The following ARHGEF10 variants were observed in gnomAD, a reference collection of about 807,000 sequenced individuals.
ARHGEF10 encodes the protein Rho guanine nucleotide exchange factor 10, also known as Rho guanine nucleotide exchange factor (GEF) 10.
A neutral mutation model predicts 147.4 loss-of-function variants in ARHGEF10; 140 were observed. The ratio of observed to expected loss-of-function variants is 0.95; its 90% CI spans 0.83 to 1.09. The LOEUF is 1.09. Among genes scored for constraint, ARHGEF10 ranks in the 50% least tolerant of loss-of-function variants. The pLI, the probability that ARHGEF10 is intolerant of heterozygous loss-of-function variation, is 0.00. For synonymous variants in ARHGEF10, 902 were observed against 695.8 expected (o/e 1.30, Z -4.67); for missense variants, 2,222 against 1,752.7 (o/e 1.27, Z -4.78).
intron 13 of ARHGEF10, among the ~76,000 whole-genome samples, chr8:1,894,894 A>G (rs919219070): frequency 1.3e-5 from 2 of 152,238 alleles, no homozygotes; most frequent in South Asian, 2.1e-4. Context: ...TTGTTGAACA[A>G]GGATGCCGTG....
intron 16 of ARHGEF10, 92 bp downstream of exon 16, chr8:1,903,543 C>T (rs375394241): frequency 7.3e-6 from 11 of 1,516,946 alleles, no homozygotes; most frequent in Admixed American, 3.5e-5. Context: ...TCTTTTGGAT[C>T]GTTTGGAGTA....
intron 15 of ARHGEF10, among the ~76,000 whole-genome samples, chr8:1,900,692 A>T (rs1810382193): frequency 6.6e-6 from 1 of 152,250 alleles, no homozygotes; most frequent in Non-Finnish European, 1.5e-5. Flanking sequence ...TCTCTGAGGA[A>T]GGACATTCTT....
intron 7 of ARHGEF10, chr8:1,869,717 A>G (rs563587179): frequency 1.7e-4 from 41 of 247,622 alleles, no homozygotes; most frequent in African/African-American, 9.3e-4. Flanking sequence ...ACCTAGGCCG[A>G]TGCAATGGAG....
intron 18 of ARHGEF10, among the ~76,000 whole-genome samples, chr8:1,918,983 G>C (rs576478421): frequency 2.6e-5 from 4 of 151,750 alleles, no homozygotes; most frequent in African/African-American, 9.7e-5. Context: ...TGTTCTGTGG[G>C]TGATGGAGCT....
chr8:1,902,030 G>A (rs1257220725), intron 15 of ARHGEF10, among the ~76,000 whole-genome samples: 1 of 151,848 alleles, frequency 6.6e-6, no homozygotes, highest in African/African-American at 2.4e-5. Flanking sequence ...TGTGCAGAAT[G>A]TGCAGGTTTG....
intron 5 of ARHGEF10, among the ~76,000 whole-genome samples, chr8:1,865,494 C>T (rs866409653): frequency 3.4e-5 from 5 of 147,124 alleles, no homozygotes; most frequent in Admixed American, 3.4e-4. Context: ...CACCAGGACA[C>T]GGGGCATCCC....
At chr8:1,847,853 C>G (rs1804676818) in intron 2 of ARHGEF10, among the ~76,000 whole-genome samples, 1 of 152,238 alleles carries the variant, frequency 6.6e-6, no homozygotes, top group African/African-American at 2.4e-5. Flanking sequence ...CATGCTCTTC[C>G]AAGCCCCAGG....
intron 2 of ARHGEF10, among the ~76,000 whole-genome samples, chr8:1,844,603 G>C (rs1438498570): frequency 1.3e-5 from 2 of 152,146 alleles, no homozygotes; most frequent in East Asian, 3.9e-4. Flanking sequence ...GCAAGACCAC[G>C]GGGTACGGGA....
intron 2 of ARHGEF10, 41 bp from the exon 3 acceptor site, chr8:1,857,919 T>G: frequency 6.9e-7 from 1 of 1,458,506 alleles, no homozygotes; most frequent in East Asian, 2.3e-5. Context: ...TCTATCTATC[T>G]ATCTATCTCT....
chr8:1,831,391 C>A (rs561563525), intron 1 of ARHGEF10, among the ~76,000 whole-genome samples: 2 of 50,074 alleles, frequency 4.0e-5, no homozygotes, highest in African/African-American at 1.7e-4. Flanking sequence ...CAGTGGCAGC[C>A]GTGGAGGGAC....
At chr8:1,848,222 G>A (rs1447642458) in intron 2 of ARHGEF10, among the ~76,000 whole-genome samples, 1 of 152,238 alleles carries the variant, frequency 6.6e-6, no homozygotes, top group Non-Finnish European at 1.5e-5. Flanking sequence ...GAGGTACGCG[G>A]GGTCCTCCGT....
intron 27 of ARHGEF10, among the ~76,000 whole-genome samples, chr8:1,951,390 C>T (rs1208877863): frequency 2.6e-5 from 4 of 152,236 alleles, no homozygotes; most frequent in Non-Finnish European, 4.4e-5. Flanking sequence ...CCAAGTCACG[C>T]CGACCAGGCC....
In ARHGEF10 at chr8:1,957,423, C is replaced by T. The variant is rs1267740262; in HGVS notation, c.*160C>T. The T allele has an allele frequency of 6.1e-6, 6 of 985,676 alleles. No individual in the cohort carries two copies. In the African/African-American group the frequency reaches 9.7e-5, roughly 16 times the overall value. 61.1% of individuals were successfully genotyped at this position (985,676 alleles called of 1,614,324 possible). ...CAATAGCGTAATGGTGGTGTCCCTG[C>T]CAATTCCTTCCTTCTCTTCTGTACA... On this transcript the variant is annotated 3_prime_UTR_variant, in exon 29 of 29. Transcript: ENST00000349830.
At chr8:1,831,196 C>T (rs1259043376) in intron 1 of ARHGEF10, among the ~76,000 whole-genome samples, 3 of 151,934 alleles carry the variant, frequency 2.0e-5, no homozygotes, top group African/African-American at 7.3e-5. Context: ...TGATGGACAT[C>T]CATGGAGGGA....
intron 1 of ARHGEF10, among the ~76,000 whole-genome samples, chr8:1,836,044 G>A (rs1174342469): frequency 6.6e-6 from 1 of 151,844 alleles, no homozygotes; most frequent in Non-Finnish European, 1.5e-5. Flanking sequence ...AGCCAGGCGT[G>A]GTGGCAGGTG....
rs758021146 is a variant in ARHGEF10, at chr8:1,956,941, A to T, written c.3713A>T (p.Asp1238Val). The change falls in exon 29 of 29, where the codon GAC (aspartate) becomes GTC (valine). Residue 1238 changes from aspartate to valine, a missense_variant. Transcript: ENST00000349830. ...TCATCTCTGAGCCAGGGTGACCCTG[A>T]CGCAGCCATCTGGTTGGGAGATTCG... is the stretch of plus-strand genomic sequence containing the variant. ...AGSSLSQGDPDAAIWLGDSLG... is the reference protein window; with the variant it reads ...AGSSLSQGDPVAAIWLGDSLG... 3.7e-6 allele frequency: 6 copies of T among 1,614,184 alleles called. No homozygotes were observed. In the South Asian group the frequency reaches 6.6e-5, roughly 18 times the overall value.
At position 1,836,940 on chromosome 8, in the gene ARHGEF10, T is replaced by A. The variant is rs959965100; in HGVS notation, c.-47-6413T>A. Reference sequence around the variant, plus strand: ...TCTCTTGCCGCCGCCACGTAAGAAGTGCCTTTCACCTCCCACAATGATTCT... The same window carrying A: ...TCTCTTGCCGCCGCCACGTAAGAAGAGCCTTTCACCTCCCACAATGATTCT... On this transcript the variant is annotated intron_variant, in intron 1 of 28. Transcript: ENST00000349830. Among the ~76,000 whole-genome samples the A allele has an allele frequency of 3.3e-5, 5 of 152,338 alleles. No homozygotes were observed. The South Asian group carries it at 8.3e-4, about 25-fold the overall frequency.
intron 22 of ARHGEF10, 21 bp from the exon 23 acceptor site, chr8:1,926,356 T>C: frequency 6.2e-7 from 1 of 1,601,880 alleles, no homozygotes; most frequent in Middle Eastern, 1.7e-4. Flanking sequence ...TATGTGAGCG[T>C]TTGATTTTAT....
rs1271740291 is a variant in ARHGEF10 at position 1,937,788 on chromosome 8, A to G, written c.3222+3846A>G. On this transcript the variant is annotated intron_variant, in intron 26 of 28. Transcript: ENST00000349830. The surrounding 1 kb of genome is among the most constrained non-coding windows in gnomAD (Gnocchi z 4.9). ...CCGAATGGCCATATGCTGTCAGAAC[A>G]GTGCCGGCCTGGGAGCTGCATGTGA... Among the ~76,000 whole-genome samples, 2 of 152,200 alleles carry G rather than the reference A, an allele frequency of 1.3e-5. No homozygotes were observed. Among genetic ancestry groups the G allele is most frequent in the African/African-American group, 4.8e-5 (2 of 41,452 alleles).
Sources: gnomAD v4.1 joint callset for allele counts (sites outside exome capture counted in the v4.1 genomes callset) on GRCh38, gnomAD v4.1.1 for gene constraint, Gnocchi (gnomAD v3.1) non-coding constraint, MANE v1.5 for transcripts, NCBI Gene and HGNC (gene_info 2026-07-23, HGNC 2026-07-21) for gene names.